The following WDR3 variants were observed in gnomAD, a reference collection of about 807,000 sequenced individuals.
WDR3 encodes WD repeat domain 3.
Under a neutral mutation model 123.7 loss-of-function variants are expected in WDR3, and 81 were observed. The ratio of observed to expected loss-of-function variants is 0.65; its 90% confidence interval spans 0.55 to 0.79. The LOEUF (loss-of-function observed/expected upper bound fraction) is 0.79. Among genes scored for constraint, WDR3 ranks in the 30% least tolerant of loss-of-function variants. WDR3 has a pLI of 0.00. For synonymous variants in WDR3, 390 were observed against 388.8 expected (o/e 1.00, Z -0.04); for missense variants, 1,027 against 1,123.2 (o/e 0.91, Z 1.22).
chr1:117,938,071 C>A (rs1651007178), intron 4 of WDR3, among the ~76,000 whole-genome samples: 1 of 152,132 alleles, frequency 6.6e-6, no homozygotes, highest in Non-Finnish European at 1.5e-5. Context: ...TACTTAGAAA[C>A]TTCACAGAGG....
At chr1:117,937,156 G>A (rs1450345302) in intron 4 of WDR3, among the ~76,000 whole-genome samples, 1 of 151,908 alleles carries the variant, frequency 6.6e-6, no homozygotes, top group African/African-American at 2.4e-5. Context: ...ACTCATTATA[G>A]AATGAGCTTT....
chr1:117,944,750 GGAGT>G (rs1338958401), intron 11 of WDR3, among the ~76,000 whole-genome samples: 5 of 152,114 alleles, frequency 3.3e-5, no homozygotes, highest in African/African-American at 1.2e-4. Flanking sequence ...CGCCCAGGCT[GGAGT>G]GCATTGATGT....
rs980804066 is a variant in WDR3 at position 117,960,926 on chromosome 1, A to T, written c.*1479A>T. 2 of 152,204 alleles carry T rather than the reference A, an allele frequency of 1.3e-5. No individual in the cohort carries two copies. The highest frequency in any genetic ancestry group is 2.9e-5 in the Non-Finnish European group (2 of 68,004). 9.4% of individuals were successfully genotyped at this position (152,204 alleles called of 1,614,324 possible). ...TCATGATATAACTACTTTTTTCCTA[A>T]TTTTTTTCATCTGAAACTTTTCTCA... On this transcript the variant is annotated 3_prime_UTR_variant, in exon 27 of 27. Coordinates refer to ENST00000349139, the MANE Select transcript of WDR3 (RefSeq NM_006784.3).
chr1:117,946,570 T>C (rs111949198), intron 12 of WDR3, among the ~76,000 whole-genome samples: 13 of 152,286 alleles, frequency 8.5e-5, no homozygotes, highest in African/African-American at 3.1e-4. Context: ...TCCTTATTCC[T>C]AGGTGCTAGT....
intron 12 of WDR3, among the ~76,000 whole-genome samples, chr1:117,946,826 A>G (rs1002272501): frequency 6.6e-6 from 1 of 151,414 alleles, no homozygotes; most frequent in South Asian, 2.1e-4. Context: ...CTGTAGTCCC[A>G]GCTACTCGGG....
At chr1:117,959,126 G>GT in intron 26 of WDR3, 123 bp downstream of exon 26, 1 of 1,299,200 alleles carries the variant, frequency 7.7e-7, no homozygotes, top group Non-Finnish European at 1.1e-6. Context: ...ATTTGAGATA[G>GT]TTTTTGTTAG....
At chr1:117,937,331 G>A (rs1251856521) in intron 4 of WDR3, among the ~76,000 whole-genome samples, 1 of 152,058 alleles carries the variant, frequency 6.6e-6, no homozygotes, top group Non-Finnish European at 1.5e-5. Flanking sequence ...TTTTATTTGT[G>A]TACATAAAAA....
chr1:117,953,409 A>G, intron 20 of WDR3, 67 bp from the exon 21 acceptor site: 2 of 1,485,102 alleles, frequency 1.3e-6, no homozygotes, highest in Non-Finnish European at 9.4e-7. Flanking sequence ...TGGATGTAAG[A>G]TTAATTTATC....
chr1:117,944,758 T>C (rs12406673), intron 11 of WDR3, among the ~76,000 whole-genome samples: 52,367 of 152,026 alleles, frequency 0.34, 10,654 homozygotes, highest in Non-Finnish European at 0.46. Flanking sequence ...CTGGAGTGCA[T>C]TGATGTGATC....
At position 117,954,577 on chromosome 1, in the gene WDR3, T is replaced by C. The variant is rs201447681; in HGVS notation, c.2362-3T>C. 7 of 1,612,576 alleles carry C rather than the reference T, an allele frequency of 4.3e-6. No individual in the cohort carries two copies. The highest frequency in any genetic ancestry group is 1.7e-5 in the Admixed American group (1 of 59,904). On this transcript the variant is annotated splice_region_variant and splice_polypyrimidine_tract_variant and intron_variant, in intron 22 of 26. Transcript: ENST00000349139. ...ATGACTTGATTTAATAATTTCTTCA[T>C]AGGTTCCACTTCCCAGCAACCCCAT...
At chr1:117,953,769 T>A in intron 21 of WDR3, 1 of 610,264 alleles carries the variant, frequency 1.6e-6, no homozygotes, top group Non-Finnish European at 2.9e-6. Context: ...CCTGCCCTAT[T>A]CAGAGTGTCT....
chr1:117,953,412 A>C, intron 20 of WDR3, 64 bp from the exon 21 acceptor site: 1 of 1,502,764 alleles, frequency 6.7e-7, no homozygotes, highest in South Asian at 1.1e-5. Context: ...ATGTAAGATT[A>C]ATTTATCAGC....
chr1:117,946,664 G>A (rs926660125), intron 12 of WDR3, among the ~76,000 whole-genome samples: 4 of 152,052 alleles, frequency 2.6e-5, no homozygotes, highest in Non-Finnish European at 5.9e-5. Context: ...AATTTGGGCC[G>A]GGCGCAGTGG....
intron 1 of WDR3, among the ~76,000 whole-genome samples, chr1:117,931,659 C>T (rs1261062642): frequency 6.6e-6 from 1 of 152,060 alleles, no homozygotes; most frequent in Non-Finnish European, 1.5e-5. Context: ...TATGAATTCT[C>T]CAAGGAAAAC....
chr1:117,957,572 T>C (rs1054083150), intron 25 of WDR3, among the ~76,000 whole-genome samples: 6 of 152,250 alleles, frequency 3.9e-5, no homozygotes, highest in Middle Eastern at 3.2e-3. Context: ...CCTCATTTGT[T>C]GTTTCTTTTA....
rs765715588 is a variant in WDR3, at chr1:117,949,821, A to G, written c.1595A>G (p.Asn532Ser). The G allele has an allele frequency of 8.7e-6, 14 of 1,613,952 alleles. No homozygotes were observed. In the South Asian group the frequency reaches 1.4e-4, roughly 16 times the overall value. ...GATTTTGAGTTAGTGAAAGATGAAA[A>G]TAGTACCCAAAAGAGGTGAGTAGAC... ...FWDFELVKDENSTQKRLSVKQ... is the reference protein window; with the variant it reads ...FWDFELVKDESSTQKRLSVKQ... The change falls in exon 14 of 27, where the codon AAT becomes AGT. Residue 532 changes from asparagine (N) to serine (S), a missense_variant. By Grantham distance (46) the Asn-to-Ser change is conservative. Transcript: ENST00000349139.
At chr1:117,959,065 T>C (rs1213312004) in intron 26 of WDR3, 62 bp downstream of exon 26, 1 of 1,512,358 alleles carries the variant, frequency 6.6e-7, no homozygotes, top group Non-Finnish European at 9.2e-7. Context: ...TTAGAAATAG[T>C]ATAGTATGCT....
chr1:117,942,767 T>C (rs1193665865), intron 10 of WDR3, among the ~76,000 whole-genome samples: 16 of 152,094 alleles, frequency 1.1e-4, no homozygotes, highest in Admixed American at 9.8e-4. Context: ...ATTTACTGTC[T>C]TTTCCTGCAG....
intron 26 of WDR3, 134 bp from the exon 27 acceptor site, chr1:117,959,154 AAAAC>A (rs1376728096): frequency 2.6e-5 from 35 of 1,355,604 alleles, no homozygotes; most frequent in Non-Finnish European, 3.3e-5. Flanking sequence ...AGGAATAGAA[AAAAC>A]AAACAAGAAA....
Sources: gnomAD v4.1 joint callset for allele counts (sites outside exome capture counted in the v4.1 genomes callset) on GRCh38, gnomAD v4.1.1 for gene constraint, MANE v1.5 for transcripts, NCBI Gene and HGNC (gene_info 2026-07-23, HGNC 2026-07-21) for gene names.